The following SHROOM3 variants were observed in gnomAD, a reference collection of about 807,000 sequenced individuals.
The protein encoded by SHROOM3 is shroom family member 3.
A neutral mutation model predicts 138.6 loss-of-function variants in SHROOM3; 47 were observed. The ratio of observed to expected loss-of-function variants is 0.34; its 90% CI spans 0.27 to 0.43. The LOEUF (loss-of-function observed/expected upper bound fraction) is 0.43, where lower values mean the gene tolerates loss of function less well. Ranked by LOEUF, SHROOM3 falls within the 20% of genes least tolerant of loss-of-function variation. The pLI is 1.00. For synonymous variants in SHROOM3, 1,062 were observed against 1,063.3 expected, an observed-to-expected ratio of 1.00 and a Z score of 0.02; for missense variants, 2,491 against 2,596.5, an observed-to-expected ratio of 0.96 and a Z score of 0.88.
At chr4:76,585,959 G>A (rs962101488) in intron 2 of SHROOM3, among the ~76,000 whole-genome samples, 3 of 152,202 alleles carry the variant, frequency 2.0e-5, no homozygotes, top group African/African-American at 7.2e-5. Flanking sequence ...CGCTTTAATG[G>A]TCTTCACAGC....
chr4:76,473,627 A>G (rs1731423409), intron 1 of SHROOM3, among the ~76,000 whole-genome samples: 1 of 152,174 alleles, frequency 6.6e-6, no homozygotes, highest in Non-Finnish European at 1.5e-5. Context: ...AAAAAAAAGA[A>G]GACAACCCCA....
intron 2 of SHROOM3, chr4:76,586,448 C>A: frequency 1.0e-6 from 1 of 985,460 alleles, no homozygotes; most frequent in African/African-American, 1.7e-5. Flanking sequence ...AATGGACCTG[C>A]CTGGGCATAG....
At chr4:76,569,883 A>G (rs1377158054) in intron 2 of SHROOM3, among the ~76,000 whole-genome samples, 3 of 152,078 alleles carry the variant, frequency 2.0e-5, no homozygotes, top group Non-Finnish European at 2.9e-5. Context: ...GGGAGTGGAC[A>G]TGCTCTTCTC....
intron 1 of SHROOM3, among the ~76,000 whole-genome samples, chr4:76,513,600 C>G (rs1732384179): frequency 6.6e-6 from 1 of 152,212 alleles, no homozygotes; most frequent in Non-Finnish European, 1.5e-5. Flanking sequence ...AGGCATGAGC[C>G]ACCGTGCCTG....
intron 2 of SHROOM3, among the ~76,000 whole-genome samples, chr4:76,668,922 T>G (rs1181877266): frequency 2.6e-5 from 4 of 152,250 alleles, no homozygotes; most frequent in Non-Finnish European, 5.9e-5. Context: ...TTCTCTATTA[T>G]TTAATTTCCC....
intron 1 of SHROOM3, among the ~76,000 whole-genome samples, chr4:76,519,077 T>A (rs538328833): frequency 6.6e-6 from 1 of 152,264 alleles, no homozygotes; most frequent in East Asian, 1.9e-4. Flanking sequence ...ACTCTCTGGT[T>A]GTAAGTGAAG....
chr4:76,555,264 C>T (rs972445084), intron 1 of SHROOM3, among the ~76,000 whole-genome samples: 5 of 152,166 alleles, frequency 3.3e-5, no homozygotes, highest in African/African-American at 7.2e-5. Flanking sequence ...AGGGATAAAA[C>T]AGTTGCCCTG....
chr4:76,611,051 A>G (rs918659349), intron 2 of SHROOM3, among the ~76,000 whole-genome samples: 3 of 152,214 alleles, frequency 2.0e-5, no homozygotes, highest in Admixed American at 6.5e-5. Flanking sequence ...TCCCATTAAA[A>G]AAATTGCAGT....
At chr4:76,626,528 A>C (rs10022207) in intron 2 of SHROOM3, among the ~76,000 whole-genome samples, 4,305 of 152,310 alleles carry the variant, frequency 0.028, 78 homozygotes, top group Non-Finnish European at 0.044. Context: ...CCATGATTGC[A>C]GTTATGAAAT....
chr4:76,577,732 A>G (rs943737049), intron 2 of SHROOM3, among the ~76,000 whole-genome samples: 3 of 152,180 alleles, frequency 2.0e-5, no homozygotes, highest in African/African-American at 7.2e-5. Flanking sequence ...AGCCCCTCTT[A>G]TAAGAAATTC....
At chr4:76,668,603 GA>G (rs919797904) in intron 2 of SHROOM3, among the ~76,000 whole-genome samples, 28 of 151,760 alleles carry the variant, frequency 1.8e-4, no homozygotes, top group African/African-American at 6.3e-4. Flanking sequence ...ACAAACAAAT[GA>G]AAAAAACTAA....
chr4:76,710,400 G>C, intron 3 of SHROOM3, 113 bp downstream of exon 3: 1 of 1,310,082 alleles, frequency 7.6e-7, no homozygotes, highest in Non-Finnish European at 1.1e-6. Flanking sequence ...ACAGGCTGTT[G>C]AGAGAGAGGT....
intron 1 of SHROOM3, among the ~76,000 whole-genome samples, chr4:76,554,799 C>T (rs143813290): frequency 2.7e-3 from 415 of 152,158 alleles, no homozygotes; most frequent in African/African-American, 9.6e-3. Context: ...GCAACCAGGC[C>T]GCACAGTAGG....
chr4:76,770,483 A>G (rs998980852), intron 9 of SHROOM3, 143 bp from the exon 10 acceptor site: 15 of 981,060 alleles, frequency 1.5e-5, no homozygotes, highest in Admixed American at 1.2e-4. Flanking sequence ...TTATGGCATA[A>G]TATTGGGGGA....
intron 1 of SHROOM3, among the ~76,000 whole-genome samples, chr4:76,478,010 A>G (rs1019842007): frequency 6.6e-6 from 1 of 152,146 alleles, no homozygotes; most frequent in Non-Finnish European, 1.5e-5. Flanking sequence ...GGGTGCCTAC[A>G]CCACCAGGGC....
intron 1 of SHROOM3, among the ~76,000 whole-genome samples, chr4:76,468,096 G>T (rs1041715544): frequency 6.6e-6 from 1 of 152,248 alleles, no homozygotes; most frequent in African/African-American, 2.4e-5. Flanking sequence ...CACTGGGAAA[G>T]TGTGCTGTTA....
chr4:76,596,476 T>C (rs779040898), intron 2 of SHROOM3, among the ~76,000 whole-genome samples: 2 of 152,082 alleles, frequency 1.3e-5, no homozygotes, highest in Non-Finnish European at 2.9e-5. Flanking sequence ...TCTGTGATGT[T>C]TGTATGATGA....
intron 2 of SHROOM3, among the ~76,000 whole-genome samples, chr4:76,707,778 T>C (rs1177242198): frequency 6.6e-6 from 1 of 151,794 alleles, no homozygotes; most frequent in Non-Finnish European, 1.5e-5. Context: ...TCACTATGGG[T>C]TTTTTTTCTT....
At chr4:76,593,253 GATTA>G (rs1445283676) in intron 2 of SHROOM3, among the ~76,000 whole-genome samples, 1 of 152,176 alleles carries the variant, frequency 6.6e-6, no homozygotes, top group Non-Finnish European at 1.5e-5. Context: ...AGGAGAGGCT[GATTA>G]ATCAATCAAT....
Sources: allele counts gnomAD v4.1 joint callset (sites outside exome capture counted in the v4.1 genomes callset), GRCh38; gene constraint gnomAD v4.1.1; transcripts MANE v1.5; gene names NCBI Gene and HGNC (gene_info 2026-07-23, HGNC 2026-07-21).